PREP: variants seen among roughly 807,000 people sequenced by gnomAD.
PREP encodes dJ355L5.1 (prolyl endopeptidase).
Under a neutral mutation model 87.6 loss-of-function variants are expected in PREP, and 29 were observed. The observed-to-expected ratio is 0.33, with a 90% CI of 0.25 to 0.45. PREP has a LOEUF of 0.45. Ranked by LOEUF, PREP falls within the 20% of genes least tolerant of loss-of-function variation. PREP has a pLI of 1.00. For synonymous variants in PREP, 337 were observed against 328.6 expected (o/e 1.03, Z -0.28); for missense variants, 695 against 886.5 (o/e 0.78, Z 2.74).
intron 6 of PREP, among the ~76,000 whole-genome samples, chr6:105,357,506 C>T (rs547827332): frequency 6.6e-6 from 1 of 152,298 alleles, no homozygotes; most frequent in South Asian, 2.1e-4. Context: ...CATTATAATT[C>T]TCTTCATCAC....
intron 2 of PREP, among the ~76,000 whole-genome samples, chr6:105,389,868 G>A (rs888890044): frequency 6.6e-6 from 1 of 152,000 alleles, no homozygotes; most frequent in African/African-American, 2.4e-5. Flanking sequence ...CACTTTTAAG[G>A]TTAACCCCAG....
At chr6:105,389,524 A>G (rs969265436) in intron 2 of PREP, among the ~76,000 whole-genome samples, 5 of 152,230 alleles carry the variant, frequency 3.3e-5, no homozygotes, top group African/African-American at 4.8e-5. Flanking sequence ...AGAACACTGT[A>G]CACCAAAACC....
chr6:105,289,880 T>C (rs1184622885), intron 10 of PREP, among the ~76,000 whole-genome samples: 2 of 152,102 alleles, frequency 1.3e-5, no homozygotes, highest in African/African-American at 2.4e-5. Context: ...ATTTTATCCA[T>C]AGCTTTTTAA....
chr6:105,355,491 T>C (rs183437486), intron 6 of PREP, among the ~76,000 whole-genome samples: 32 of 152,360 alleles, frequency 2.1e-4, no homozygotes, highest in African/African-American at 7.5e-4. Flanking sequence ...TGTTTCCCTA[T>C]ATGCAATATG....
In PREP at chr6:105,276,562, T is replaced by C. The variant is rs1769935298; in HGVS notation, c.*1582A>G. ...GGTCAGCAGTTACACCAAAGCTAGC[T>C]AGTATCAGTATCTGAGTAGATGGTG... On this transcript the variant is annotated 3_prime_UTR_variant, in exon 15 of 15. Coordinates refer to ENST00000652536, the MANE Select transcript of PREP (RefSeq NM_002726.5). 6.6e-6 allele frequency among the ~76,000 whole-genome samples: 1 copy of C among 152,228 alleles called. No homozygotes were observed. The highest frequency in any genetic ancestry group is 1.5e-5 in the Non-Finnish European group (1 of 68,040).
chr6:105,281,743 T>C lies in PREP; in HGVS notation c.1838+3A>G. On this transcript the variant is annotated splice_donor_region_variant and intron_variant, in intron 14 of 14. Coordinates refer to ENST00000652536, the MANE Select transcript of PREP (RefSeq NM_002726.5). ...CAACATATATATGTCAATAAAACCT[T>C]ACTTGACAAGCCATTCAAAGTGTTG... 6.2e-7 allele frequency: 1 copy of C among 1,612,858 alleles called. No individual in the cohort carries two copies.
intron 1 of PREP, among the ~76,000 whole-genome samples, chr6:105,399,653 T>C (rs1228101044): frequency 6.6e-6 from 1 of 152,234 alleles, no homozygotes; most frequent in Non-Finnish European, 1.5e-5. Context: ...TCTTTTCTTC[T>C]CATCTGCAAG....
At position 105,394,753 on chromosome 6, in the gene PREP, G is replaced by C. The variant is rs9486075; in HGVS notation, c.120+3100C>G. Among the ~76,000 whole-genome samples, 480 of 152,292 alleles carry C rather than the reference G, an allele frequency of 3.2e-3. 3 individuals are homozygous for C. The highest frequency in any genetic ancestry group is 0.011 in the African/African-American group (458 of 41,562). On this transcript the variant is annotated intron_variant, in intron 2 of 14. Coordinates refer to ENST00000652536, the MANE Select transcript of PREP (RefSeq NM_002726.5). ...CCAGAAGATGGCTGTACTCCAGCCT[G>C]GGCAACAGCAAGACCCTGTCTCTAA...
intron 6 of PREP, among the ~76,000 whole-genome samples, chr6:105,357,913 GTTT>G (rs796340115): frequency 1.4e-5 from 2 of 138,396 alleles, no homozygotes; most frequent in Admixed American, 1.5e-4. Context: ...CAACAATACT[GTTT>G]TTTTTTTTTT....
intron 7 of PREP, among the ~76,000 whole-genome samples, chr6:105,335,129 C>T (rs948123725): frequency 6.6e-6 from 1 of 152,142 alleles, no homozygotes; most frequent in African/African-American, 2.4e-5. Context: ...TCACTAAATG[C>T]CACTTTTAAT....
chr6:105,295,206 C>T (rs1770384640), intron 10 of PREP, among the ~76,000 whole-genome samples: 1 of 149,440 alleles, frequency 6.7e-6, no homozygotes, highest in Non-Finnish European at 1.5e-5. Context: ...TCCCTCTCTG[C>T]CTCTGGCCTT....
intron 10 of PREP, among the ~76,000 whole-genome samples, chr6:105,305,497 G>A (rs575368368): frequency 5.3e-4 from 81 of 152,270 alleles, no homozygotes; most frequent in Non-Finnish European, 9.8e-4. Flanking sequence ...AGGCGTAGAG[G>A]CGGTATCACA....
intron 10 of PREP, among the ~76,000 whole-genome samples, chr6:105,292,154 C>T (rs1770309989): frequency 6.6e-6 from 1 of 152,140 alleles, no homozygotes; most frequent in East Asian, 1.9e-4. Flanking sequence ...GACCTCCTCC[C>T]ATGAATCATG....
chr6:105,331,577 G>A (rs67558059), intron 8 of PREP, among the ~76,000 whole-genome samples: 14,331 of 152,210 alleles, frequency 0.094, 1,053 homozygotes, highest in African/African-American at 0.2. Context: ...TGAGGTCAGT[G>A]CATGATGAAC....
chr6:105,362,963 C>T (rs1772293011), intron 6 of PREP, among the ~76,000 whole-genome samples: 1 of 152,186 alleles, frequency 6.6e-6, no homozygotes, highest in African/African-American at 2.4e-5. Context: ...TGAACTTCCA[C>T]AGGGGACATG....
intron 7 of PREP, among the ~76,000 whole-genome samples, chr6:105,341,301 G>A (rs550898774): frequency 6.6e-6 from 1 of 152,250 alleles, no homozygotes; most frequent in East Asian, 1.9e-4. Context: ...GGTACATAAC[G>A]AAATGAAGGC....
At chr6:105,295,012 C>T (rs968322069) in intron 10 of PREP, among the ~76,000 whole-genome samples, 2 of 152,146 alleles carry the variant, frequency 1.3e-5, no homozygotes, top group East Asian at 3.8e-4. Flanking sequence ...GGCTGCTGGA[C>T]ACTCCGGAAA....
rs71572254 is a variant in PREP, at chr6:105,323,784, A to G, written c.1214-16T>C. ...TAAATGATACCTAAAAAGTAGAATA[A>G]GGCTTGGTTTAGTCTACGGGACTCA... On this transcript the variant is annotated splice_polypyrimidine_tract_variant and intron_variant, in intron 9 of 14. Coordinates refer to ENST00000652536, the MANE Select transcript of PREP (RefSeq NM_002726.5). The G allele has an allele frequency of 6.3e-7, 1 of 1,596,690 alleles. No homozygotes were observed. Among genetic ancestry groups the G allele is most frequent in the East Asian group, 2.2e-5 (1 of 44,802 alleles).
intron 7 of PREP, among the ~76,000 whole-genome samples, chr6:105,346,463 C>T (rs542707547): frequency 3.3e-5 from 5 of 152,276 alleles, no homozygotes; most frequent in African/African-American, 1.2e-4. Context: ...GACACAAAAG[C>T]CTTAAAATAA....
Sources: gnomAD v4.1 joint callset for allele counts (sites outside exome capture counted in the v4.1 genomes callset) on GRCh38, gnomAD v4.1.1 for gene constraint, MANE v1.5 for transcripts, NCBI Gene and HGNC (gene_info 2026-07-23, HGNC 2026-07-21) for gene names.